Variants in CNTNAP5 observed in about 807,000 individuals in gnomAD.
The protein encoded by CNTNAP5 is contactin associated protein family member 5, also known as contactin-associated protein-like 5.
A neutral mutation model predicts 150.2 loss-of-function variants in CNTNAP5; 72 were observed. The observed-to-expected ratio is 0.48, with a 90% CI of 0.40 to 0.58. CNTNAP5 has a LOEUF of 0.58. Ranked by LOEUF, CNTNAP5 falls within the 20% of genes least tolerant of loss-of-function variation. The probability of loss-of-function intolerance (pLI) is 0.00; values close to 1 mark genes in which losing one functional copy is unlikely to be tolerated. For synonymous variants in CNTNAP5, 672 were observed against 619.8 expected (o/e 1.08, Z -1.25); for missense variants, 1,636 against 1,626.2 (o/e 1.01, Z -0.10).
chr2:124,371,655 T>C (rs1690530016), intron 3 of CNTNAP5, among the ~76,000 whole-genome samples: 1 of 152,102 alleles, frequency 6.6e-6, no homozygotes, highest in Admixed American at 6.6e-5. Flanking sequence ...AGAAATGTTG[T>C]AGTAGCTGGT....
intron 11 of CNTNAP5, among the ~76,000 whole-genome samples, chr2:124,577,355 G>A (rs1696307239): frequency 6.6e-6 from 1 of 152,162 alleles, no homozygotes; most frequent in South Asian, 2.1e-4. Flanking sequence ...CCCTAAATCA[G>A]TGAAAGTAGC....
chr2:124,755,463 T>G (rs1406672891), intron 14 of CNTNAP5, among the ~76,000 whole-genome samples: 1 of 152,162 alleles, frequency 6.6e-6, no homozygotes, highest in Non-Finnish European at 1.5e-5. Flanking sequence ...CAAGGAGACA[T>G]TCCTTACAAC....
intron 19 of CNTNAP5, among the ~76,000 whole-genome samples, chr2:124,806,301 G>A (rs575849554): frequency 1.2e-4 from 18 of 152,286 alleles, no homozygotes; most frequent in African/African-American, 4.3e-4. Context: ...TCCATAAGAT[G>A]TTATAGGATG....
At chr2:124,855,455 G>T (rs1384684879) in intron 19 of CNTNAP5, among the ~76,000 whole-genome samples, 1 of 152,114 alleles carries the variant, frequency 6.6e-6, no homozygotes, top group South Asian at 2.1e-4. Flanking sequence ...TTGCAGGCAT[G>T]AGCCATTGTG....
chr2:124,333,138 C>T (rs1157722661), intron 3 of CNTNAP5, among the ~76,000 whole-genome samples: 3 of 152,158 alleles, frequency 2.0e-5, no homozygotes, highest in Non-Finnish European at 2.9e-5. Context: ...CGCTTTGGCT[C>T]ATGTCTGTAA....
At chr2:124,581,555 G>T (rs928469657) in intron 11 of CNTNAP5, among the ~76,000 whole-genome samples, 2 of 152,138 alleles carry the variant, frequency 1.3e-5, no homozygotes, top group African/African-American at 2.4e-5. Context: ...GAGTTCAGGC[G>T]GCAGGGACTG....
intron 17 of CNTNAP5, among the ~76,000 whole-genome samples, chr2:124,775,071 C>T (rs1245847578): frequency 6.6e-6 from 1 of 152,094 alleles, no homozygotes; most frequent in Non-Finnish European, 1.5e-5. Flanking sequence ...AGATGTTACT[C>T]TGCTTTATTG....
At chr2:124,497,467 C>T (rs1308796890) in intron 7 of CNTNAP5, among the ~76,000 whole-genome samples, 1 of 152,194 alleles carries the variant, frequency 6.6e-6, no homozygotes, top group Non-Finnish European at 1.5e-5. Context: ...GCAAAGCCAG[C>T]ATCCAAATGG....
intron 3 of CNTNAP5, among the ~76,000 whole-genome samples, chr2:124,320,105 C>T (rs1259771413): frequency 3.9e-5 from 6 of 152,180 alleles, no homozygotes; most frequent in Admixed American, 6.5e-5. Flanking sequence ...ATTCCATTTA[C>T]GTCGTAACAT....
At chr2:124,188,716 CAA>C (rs70996047) in intron 1 of CNTNAP5, among the ~76,000 whole-genome samples, 49 of 73,052 alleles carry the variant, frequency 6.7e-4, no homozygotes, top group Admixed American at 1.5e-3. Context: ...GACTCTGTCT[CAA>C]AAAAAAAAAA....
chr2:124,794,127 T>C (rs1215213240), intron 18 of CNTNAP5, among the ~76,000 whole-genome samples: 5 of 152,366 alleles, frequency 3.3e-5, no homozygotes, highest in South Asian at 2.1e-4. Flanking sequence ...ATCTTAATGA[T>C]TGCAATATGT....
chr2:124,155,074 CGTTT>C (rs1684491573), intron 1 of CNTNAP5, among the ~76,000 whole-genome samples: 5 of 110,882 alleles, frequency 4.5e-5, no homozygotes, highest in South Asian at 7.0e-4. Flanking sequence ...AAACCATTCC[CGTTT>C]TTTTTTTTTT....
intron 1 of CNTNAP5, among the ~76,000 whole-genome samples, chr2:124,085,241 T>C (rs1466341061): frequency 6.6e-6 from 1 of 152,120 alleles, no homozygotes; most frequent in African/African-American, 2.4e-5. Context: ...TCTTAATCGT[T>C]ACAGGACTAT....
intron 10 of CNTNAP5, among the ~76,000 whole-genome samples, chr2:124,532,953 C>T (rs954378154): frequency 4.6e-5 from 7 of 152,058 alleles, no homozygotes; most frequent in African/African-American, 1.4e-4. Flanking sequence ...TTAAGTGCCC[C>T]GCCACCCTTT....
At chr2:124,905,423 G>A (rs1442740396) in intron 22 of CNTNAP5, among the ~76,000 whole-genome samples, 3 of 152,032 alleles carry the variant, frequency 2.0e-5, no homozygotes, top group Non-Finnish European at 4.4e-5. Flanking sequence ...AATATGTAAC[G>A]AAAATAAATT....
intron 9 of CNTNAP5, among the ~76,000 whole-genome samples, chr2:124,526,568 T>C (rs1169670962): frequency 1.3e-5 from 2 of 152,228 alleles, no homozygotes; most frequent in African/African-American, 2.4e-5. Context: ...TCTATACCTG[T>C]CTTAATGAGA....
intron 1 of CNTNAP5, among the ~76,000 whole-genome samples, chr2:124,044,438 T>C (rs573625206): frequency 6.6e-6 from 1 of 152,330 alleles, no homozygotes; most frequent in African/African-American, 2.4e-5. Context: ...AGTTTGTCAA[T>C]ATATCATTCT....
chr2:124,478,147 GA>G (rs943866136), intron 7 of CNTNAP5, among the ~76,000 whole-genome samples: 212 of 148,212 alleles, frequency 1.4e-3, no homozygotes, highest in African/African-American at 4.5e-3. Flanking sequence ...AGGAACAAGA[GA>G]AAAAAAAAAC....
intron 13 of CNTNAP5, among the ~76,000 whole-genome samples, chr2:124,691,842 C>T (rs1157807607): frequency 6.6e-6 from 1 of 152,094 alleles, no homozygotes; most frequent in African/African-American, 2.4e-5. Context: ...CCAGCAATTC[C>T]TTCCATCCCT....
Sources: gnomAD v4.1 joint callset for allele counts (sites outside exome capture counted in the v4.1 genomes callset) on GRCh38, gnomAD v4.1.1 for gene constraint, MANE v1.5 for transcripts, NCBI Gene and HGNC (gene_info 2026-07-23, HGNC 2026-07-21) for gene names.